The following ZNF717 variants were observed in gnomAD, a reference collection of about 807,000 sequenced individuals.
ZNF717 encodes krueppel-like factor X17.
A neutral mutation model predicts 13.8 loss-of-function variants in ZNF717; 9 were observed. The ratio of observed to expected loss-of-function variants is 0.65; its 90% CI spans 0.39 to 1.14. The LOEUF is 1.14. Ranked by LOEUF, ZNF717 falls within the 50% of genes most tolerant of loss-of-function variation. ZNF717 has a pLI of 0.01. For synonymous variants in ZNF717, 327 were observed against 364.1 expected, an observed-to-expected ratio of 0.90 and a Z score of 1.16; for missense variants, 1,040 against 1,080.7, an observed-to-expected ratio of 0.96 and a Z score of 0.53.
At chr3:75,714,694 T>C (rs77421853) in intron 5 of ZNF717, among the ~76,000 whole-genome samples, 2 of 152,090 alleles carry the variant, frequency 1.3e-5, no homozygotes, top group Non-Finnish European at 2.9e-5. Context: ...CCAGGTAAAA[T>C]GTACACTGGC....
intron 2 of ZNF717, among the ~76,000 whole-genome samples, chr3:75,770,338 A>T (rs2107637783): frequency 6.6e-6 from 1 of 152,366 alleles, no homozygotes; most frequent in African/African-American, 2.4e-5. Flanking sequence ...AGGCGGGCAG[A>T]TCACCTGAGG....
At chr3:75,759,371 G>A (rs1036381568) in intron 2 of ZNF717, among the ~76,000 whole-genome samples, 5 of 150,312 alleles carry the variant, frequency 3.3e-5, no homozygotes, top group Admixed American at 6.6e-5. Context: ...CACCTCCCGG[G>A]TTCACACCAT....
At chr3:75,727,166 A>C, downstream of ZNF717, among the ~76,000 whole-genome samples, 1 of 152,282 alleles carries the variant, frequency 6.6e-6, no homozygotes, top group Non-Finnish European at 1.5e-5. Context: ...CATCTTCATA[A>C]GCTGAGGATG....
chr3:75,774,103 T>G (rs1207550721), intron 2 of ZNF717, among the ~76,000 whole-genome samples: 2 of 151,898 alleles, frequency 1.3e-5, no homozygotes. Flanking sequence ...AAAAATTGGG[T>G]GACATTTGGC....
chr3:75,731,653 C>A (rs548033472), downstream of ZNF717, among the ~76,000 whole-genome samples: 69 of 152,328 alleles, frequency 4.5e-4, no homozygotes, highest in African/African-American at 1.6e-3. Flanking sequence ...TGGCTCATGC[C>A]TGTAATCCCA....
chr3:75,704,078 A>G (rs545958289), intron 6 of ZNF717, among the ~76,000 whole-genome samples: 1 of 152,430 alleles, frequency 6.6e-6, no homozygotes, highest in Non-Finnish European at 1.5e-5. Context: ...TAAAACCAAT[A>G]GCCTTGACTT....
intron 5 of ZNF717, among the ~76,000 whole-genome samples, chr3:75,711,758 T>C (rs1395309437): frequency 6.6e-6 from 1 of 152,132 alleles, no homozygotes; most frequent in South Asian, 2.1e-4. Flanking sequence ...TCTCAAAAAA[T>C]TTATTGGAAT....
chr3:75,747,411 C>G (rs1392016780), intron 2 of ZNF717, among the ~76,000 whole-genome samples: 1 of 152,102 alleles, frequency 6.6e-6, no homozygotes, highest in Non-Finnish European at 1.5e-5. Flanking sequence ...TCATTGGTAG[C>G]TTGATGGGGA....
At chr3:75,758,587 C>A (rs145921294) in intron 2 of ZNF717, among the ~76,000 whole-genome samples, 25,672 of 150,192 alleles carry the variant, frequency 0.17, 2,150 homozygotes, top group African/African-American at 0.18. Flanking sequence ...TGCTACAGAT[C>A]ATTCTTTTGT....
downstream of ZNF717, among the ~76,000 whole-genome samples, chr3:75,731,536 G>A (rs199856993): frequency 4.0e-5 from 6 of 150,048 alleles, no homozygotes; most frequent in South Asian, 8.6e-4. Context: ...ACTCCAGCCT[G>A]AGCAACAAAG....
Position 75,738,356 on chromosome 3 carries a change from A to T in ZNF717, c.1267T>A (p.Tyr423Asn). ...HHRTHTGEKP[Y>N]ACDHCEEAFS... The stretch of plus-strand genomic sequence containing the variant: ...GCTTCTTCACAATGGTCACATGCAT[A>T]GGGCTTTTCCCCTGTGTGAGTTCTA... Residue 423 changes from tyrosine (Y) to asparagine (N), a missense_variant, in exon 5 of 5, where the codon TAT becomes AAT. By Grantham distance (143) the Tyr-to-Asn change is moderately radical (BLOSUM62 -2). Around this residue, in one of 3 missense-constraint regions of ZNF717, gnomAD observed 873 missense variants for 832.8 expected, o/e 1.05. Transcript: ENST00000652011. The T allele has an allele frequency of 6.5e-7, 1 of 1,534,154 alleles. No homozygotes were observed. Among genetic ancestry groups the T allele is most frequent in the East Asian group, 2.5e-5 (1 of 39,926 alleles).
chr3:75,766,174 T>C (rs971060328), intron 2 of ZNF717, among the ~76,000 whole-genome samples: 1 of 151,944 alleles, frequency 6.6e-6, no homozygotes, highest in Non-Finnish European at 1.5e-5. Flanking sequence ...ACCTTAGTAA[T>C]GATTAGTTAC....
intron 6 of ZNF717, among the ~76,000 whole-genome samples, chr3:75,698,438 G>C (rs1937628511): frequency 1.3e-5 from 2 of 152,306 alleles, no homozygotes; most frequent in African/African-American, 2.4e-5. Context: ...TAGTTTCTGG[G>C]ATCAGGCCCA....
intron 2 of ZNF717, among the ~76,000 whole-genome samples, chr3:75,776,034 A>G (rs1384059429): frequency 6.6e-6 from 1 of 152,270 alleles, no homozygotes; most frequent in Non-Finnish European, 1.5e-5. Context: ...GTCTAAGTCA[A>G]ATTACCTATA....
intron 6 of ZNF717, among the ~76,000 whole-genome samples, chr3:75,703,484 G>A (rs1253029930): frequency 1.3e-5 from 2 of 152,106 alleles, no homozygotes; most frequent in Admixed American, 1.3e-4. Context: ...GAGCCAGGAT[G>A]GTGCACTGCA....
At chr3:75,714,186 C>A (rs1485384896) in intron 5 of ZNF717, among the ~76,000 whole-genome samples, 1 of 151,936 alleles carries the variant, frequency 6.6e-6, no homozygotes, top group Non-Finnish European at 1.5e-5. Context: ...TCAGGCCCTC[C>A]ACAAGAGGTG....
At position 75,737,262 on chromosome 3, in the gene ZNF717, T is replaced by C. The variant is rs1306096527; in HGVS notation, c.2361A>G (p.Glu787=). ...AAAAAGTTTTCCTACATTCATCACA[T>C]TCATAGGGTTTCTCTCCTGAGTGAG... ...QGTHSGEKPY[E]CDECRKTFYD... The change falls in exon 5 of 5, where the codon GAA becomes GAG. Residue 787 remains glutamate (E), a synonymous_variant. Transcript: ENST00000652011. 5.2e-6 allele frequency: 8 copies of C among 1,552,588 alleles called. No homozygotes were observed. Among genetic ancestry groups the C allele is most frequent in the Non-Finnish European group, 7.0e-6 (8 of 1,147,676 alleles).
At position 75,783,329 on chromosome 3, in the gene ZNF717, G is replaced by GCT; in HGVS notation, c.32_33dup (p.Leu12SerfsTer17). 6.4e-7 allele frequency: 1 copy of GCT among 1,551,186 alleles called. No individual in the cohort carries two copies. The highest frequency in any genetic ancestry group is 8.7e-7 in the Non-Finnish European group (1 of 1,146,586). The stretch of plus-strand genomic sequence containing the variant: ...ACCAGAGATTTATTCTTTTCTTGTA[G>GCT]CTCTTGGAAACAGCCAGAGAACACT... On this transcript the variant is annotated frameshift_variant, in exon 2 of 5. Coordinates refer to ENST00000652011, the MANE Select transcript of ZNF717 (RefSeq NM_001290208.3). LOFTEE classifies it high-confidence loss of function.
chr3:75,754,554 A>G (rs1575862706), intron 2 of ZNF717, among the ~76,000 whole-genome samples: 1 of 146,666 alleles, frequency 6.8e-6, no homozygotes, highest in East Asian at 2.0e-4. Context: ...GTGATAAAAA[A>G]TGTGGTAAAT....
Sources: gnomAD v4.1 joint callset for allele counts (sites outside exome capture counted in the v4.1 genomes callset) on GRCh38, gnomAD v4.1.1 for gene constraint, gnomAD v4.1.1 regional missense constraint, MANE v1.5 for transcripts, NCBI Gene and HGNC (gene_info 2026-07-23, HGNC 2026-07-21) for gene names.